The following BRPF3 variants were observed in gnomAD, a reference collection of about 807,000 sequenced individuals.
BRPF3 encodes the protein bromodomain and PHD finger-containing protein 3.
BRPF3 carries 18 observed loss-of-function variants against 102.0 expected under a neutral mutation model. That is an observed-to-expected ratio of 0.18 (90% CI 0.12 to 0.26). BRPF3 has a LOEUF of 0.26. BRPF3 is among the 10% of genes least tolerant of loss of function. The pLI is 1.00. For missense variants in BRPF3, 1,147 were observed against 1,567.8 expected (o/e 0.73, Z 4.53); for synonymous variants, 570 against 614.2 (o/e 0.93, Z 1.06).
In BRPF3 at chr6:36,201,115, C is replaced by T. The variant is rs377711628; in HGVS notation, c.793C>T (p.Arg265Trp). The T allele has an allele frequency of 3.4e-5, 55 of 1,614,034 alleles. No individual in the cohort carries two copies. Among genetic ancestry groups the T allele is most frequent in the Middle Eastern group, 1.6e-4 (1 of 6,084 alleles). The change falls in exon 2 of 13, where the codon CGG (arginine) becomes TGG (tryptophan). Residue 265 changes from arginine to tryptophan, a missense_variant. By Grantham distance (101) the Arg-to-Trp change is moderately radical. Transcript: ENST00000357641. The surrounding 1 kb of genome is among the most constrained non-coding windows in gnomAD (Gnocchi z 5.1). ...LCRCCLQSPS[R>W]PVDCILCPNK... ...CCGCTGCTGCCTGCAGTCTCCCTCC[C>T]GGCCTGTGGATTGCATCCTTTGCCC...
Position 36,214,250 on chromosome 6 carries a change from C to A in BRPF3, c.2853C>A (p.Gly951=). The change falls in exon 8 of 13, where the codon GGC becomes GGA. Residue 951 remains glycine, a synonymous_variant. Coordinates refer to ENST00000357641, the MANE Select transcript of BRPF3 (RefSeq NM_015695.3). The part of the protein sequence containing the change: ...QRSPDRVLEN[G]EDHGVAGSPA... ...GCCCAGACAGGGTCCTGGAGAATGG[C>A]GAGGACCATGGTGTGGCAGGCTCTC... The A allele has an allele frequency of 6.2e-7, 1 of 1,614,150 alleles. No homozygotes were observed. Among genetic ancestry groups the A allele is most frequent in the African/African-American group, 1.3e-5 (1 of 75,042 alleles).
rs774069589 is a variant in BRPF3, at chr6:36,201,394, C to T, written c.1072C>T (p.Leu358Phe). 2 of 1,614,168 alleles carry T rather than the reference C, an allele frequency of 1.2e-6. No individual in the cohort carries two copies. The highest frequency in any genetic ancestry group is 2.2e-5 in the South Asian group (2 of 91,080). The change falls in exon 2 of 13, where the codon CTC becomes TTC. Residue 358 changes from leucine to phenylalanine, a missense_variant. Leu to Phe is a conservative substitution (Grantham distance 22). Around this residue, in one of 11 missense-constraint regions of BRPF3, gnomAD observed 44 missense variants for 101.4 expected, o/e 0.43. Coordinates refer to ENST00000357641, the MANE Select transcript of BRPF3 (RefSeq NM_015695.3). This position sits in a 1 kb window ranked among gnomAD's most constrained non-coding sequence, Gnocchi z 5.1. ...TGTGACATGTGCACAGCGGGCTGGG[C>T]TCTTCATGAAGATTGAGCCCATGCG... ...FHVTCAQRAG[L>F]FMKIEPMRET...
chr6:36,224,405 C>T (rs969558411), intron 10 of BRPF3, among the ~76,000 whole-genome samples: 8 of 152,106 alleles, frequency 5.3e-5, no homozygotes, highest in Middle Eastern at 3.2e-3. Flanking sequence ...TGTGTTAGTG[C>T]GTTGAGTGCA....
chr6:36,216,793 C>G (rs989376991), intron 8 of BRPF3, among the ~76,000 whole-genome samples: 1 of 152,166 alleles, frequency 6.6e-6, no homozygotes, highest in African/African-American at 2.4e-5. Context: ...AATCCCAGCA[C>G]TTTGGGAGGC....
Position 36,210,576 on chromosome 6 carries a change from AG to A in BRPF3, c.2179+50del, listed in dbSNP as rs775162290. ...GAGGAGAGGGGCCAGGAGGAGGCAC[AG>A]GAACAGAGTCTACAGAGTGAGGGAT... is the stretch of plus-strand genomic sequence containing the variant. On this transcript the variant is annotated intron_variant, in intron 6 of 12. Coordinates refer to ENST00000357641, the MANE Select transcript of BRPF3 (RefSeq NM_015695.3). This position sits in a 1 kb window ranked among gnomAD's most constrained non-coding sequence, Gnocchi z 4.7. 6.6e-7 allele frequency: 1 copy of A among 1,524,374 alleles called. No homozygotes were observed. Among genetic ancestry groups the A allele is most frequent in the Middle Eastern group, 1.8e-4 (1 of 5,428 alleles). The allele number at this position is 1,524,374 out of a possible 1,614,324, so 94.4% of individuals were successfully genotyped here. A position where few individuals can be genotyped will look rare whatever the true frequency, so the allele number is the denominator to read the frequency against.
At position 36,200,654 on chromosome 6, in the gene BRPF3, C is replaced by T; in HGVS notation, c.332C>T (p.Ser111Phe). The T allele has an allele frequency of 6.2e-7, 1 of 1,614,200 alleles. No individual in the cohort carries two copies. Among genetic ancestry groups the T allele is most frequent in the Non-Finnish European group, 8.5e-7 (1 of 1,180,030 alleles). The change falls in exon 2 of 13, where the codon TCC becomes TTC. Residue 111 changes from serine to phenylalanine, a missense_variant. Coordinates refer to ENST00000357641, the MANE Select transcript of BRPF3 (RefSeq NM_015695.3). The surrounding 1 kb of genome is among the most constrained non-coding windows in gnomAD (Gnocchi z 5.3). ...TGCTCCAAGCATGCATCTGGTACTT[C>T]CTTCCACCTCCCACAGCCCAGCTTC... is the stretch of plus-strand genomic sequence containing the variant. The part of the protein sequence containing the change: ...ESCSKHASGT[S>F]FHLPQPSFRM...
At chr6:36,215,588 G>A (rs1240651768) in intron 8 of BRPF3, among the ~76,000 whole-genome samples, 1 of 152,220 alleles carries the variant, frequency 6.6e-6, no homozygotes, top group Non-Finnish European at 1.5e-5. Flanking sequence ...TCAGGTGAGA[G>A]GTAGCATTGC....
intron 9 of BRPF3, among the ~76,000 whole-genome samples, chr6:36,220,803 A>T (rs6457894): frequency 0.91 from 137,800 of 152,256 alleles, 62,509 homozygotes; most frequent in East Asian, 0.97. Flanking sequence ...ACCTAACTAC[A>T]GGTTACTGAA....
Position 36,200,928 on chromosome 6 carries a change from T to C in BRPF3, c.606T>C (p.Ser202=). The C allele has an allele frequency of 6.2e-7, 1 of 1,614,156 alleles. No individual in the cohort carries two copies. The highest frequency in any genetic ancestry group is 8.5e-7 in the Non-Finnish European group (1 of 1,180,028). Residue 202 remains serine (S), a synonymous_variant, in exon 2 of 13, where the codon AGT becomes AGC. Transcript: ENST00000357641. The surrounding 1 kb of genome is among the most constrained non-coding windows in gnomAD (Gnocchi z 5.3). ...AGTCATACTTGGAGAGTCGCAGCAG[T>C]GGGGCCCAACAGTCACTCATCGATG... ...EKESYLESRS[S]GAQQSLIDED... is the part of the protein sequence containing the mutation.
At chr6:36,209,737 C>G in intron 4 of BRPF3, 50 bp from the exon 5 acceptor site, 1 of 1,567,314 alleles carries the variant, frequency 6.4e-7, no homozygotes, top group Non-Finnish European at 8.6e-7. Flanking sequence ...AGTTTCAGTA[C>G]ATCTTTGCAG....
In BRPF3 at chr6:36,208,917, C is replaced by T. The variant is rs190474870; in HGVS notation, c.1738-870C>T. ...GCTACTTGCCACTTGCGGGGGCAAG[C>T]CTGGAGGCCCTGGTGACCCCATGCT... On this transcript the variant is annotated intron_variant, in intron 4 of 12. Transcript: ENST00000357641. Among the ~76,000 whole-genome samples the T allele has an allele frequency of 1.9e-3, 291 of 152,324 alleles. 5 individuals carry two copies. The highest frequency in any genetic ancestry group is 9.4e-4 in the Non-Finnish European group (64 of 68,030).
At position 36,214,295 on chromosome 6, in the gene BRPF3, C is replaced by G. The variant is rs749895419; in HGVS notation, c.2898C>G (p.Ile966Met). 2.5e-6 allele frequency: 4 copies of G among 1,613,826 alleles called. No individual in the cohort carries two copies. Among genetic ancestry groups the G allele is most frequent in the Admixed American group, 1.7e-5 (1 of 60,004 alleles). The change falls in exon 8 of 13, where the codon ATC becomes ATG. Residue 966 changes from isoleucine (I) to methionine (M), a missense_variant. Coordinates refer to ENST00000357641, the MANE Select transcript of BRPF3 (RefSeq NM_015695.3). ...GCTCTCCTGCCTCTCCAGCCAGCAT[C>G]GAGGAAGAGCGCCACTCCCGGAAGC... Reference protein sequence around the residue: ...VAGSPASPASIEEERHSRKRP... With the variant: ...VAGSPASPASMEEERHSRKRP...
In BRPF3 at chr6:36,231,792, C is replaced by G; in HGVS notation, c.*1183C>G. ...CTCTTCAACCCCCTCCCCACCTTCACCTTCTCAAAAATGGAAGGAAAAAAA... is the reference window on the plus strand; with the variant it reads ...CTCTTCAACCCCCTCCCCACCTTCAGCTTCTCAAAAATGGAAGGAAAAAAA... On this transcript the variant is annotated 3_prime_UTR_variant, in exon 13 of 13. Coordinates refer to ENST00000357641, the MANE Select transcript of BRPF3 (RefSeq NM_015695.3). 6.6e-6 allele frequency: 1 copy of G among 152,592 alleles called. No individual in the cohort carries two copies. The highest frequency in any genetic ancestry group is 1.9e-4 in the East Asian group (1 of 5,192). The allele number at this position is 152,592 out of a possible 1,614,324, so 9.5% of individuals were successfully genotyped here. A position where few individuals can be genotyped will look rare whatever the true frequency, so the allele number is the denominator to read the frequency against.
Position 36,201,863 on chromosome 6 carries a change from C to A in BRPF3, c.1448+93C>A. 1 of 1,485,614 alleles carries A rather than the reference C, an allele frequency of 6.7e-7. No homozygotes were observed. The highest frequency in any genetic ancestry group is 9.0e-7 in the Non-Finnish European group (1 of 1,110,538). 92.0% of individuals were successfully genotyped at this position (1,485,614 alleles called of 1,614,324 possible). A position where few individuals can be genotyped will look rare whatever the true frequency, so the allele number is the denominator to read the frequency against. On this transcript the variant is annotated intron_variant, in intron 2 of 12. Transcript: ENST00000357641. The surrounding 1 kb of genome is among the most constrained non-coding windows in gnomAD (Gnocchi z 5.1). ...CAGGCCTTCGCTAAACACAGTTGGACACTATATCCTCCTCCCCGAATTTAA... is the reference window on the plus strand; with the variant it reads ...CAGGCCTTCGCTAAACACAGTTGGAAACTATATCCTCCTCCCCGAATTTAA...
At chr6:36,205,840 T>A (rs1767886931) in intron 3 of BRPF3, among the ~76,000 whole-genome samples, 1 of 152,212 alleles carries the variant, frequency 6.6e-6, no homozygotes, top group Admixed American at 6.5e-5. Context: ...TCCTCATCCC[T>A]TTTTTCTGCC....
rs1424276219 is a variant in BRPF3 at position 36,231,962 on chromosome 6, C to T, written c.*1353C>T. The T allele has an allele frequency of 6.6e-6, 1 of 152,578 alleles. No individual in the cohort carries two copies. Among genetic ancestry groups the T allele is most frequent in the Non-Finnish European group, 1.5e-5 (1 of 68,030 alleles). 9.5% of individuals were successfully genotyped at this position (152,578 alleles called of 1,614,324 possible). On this transcript the variant is annotated 3_prime_UTR_variant, in exon 13 of 13. Transcript: ENST00000357641. ...CGCTGATTGCCATGTTGATTTTTAA[C>T]CTGATATTCTTTTTAATTGTTTTAA...
intron 12 of BRPF3, 44 bp downstream of exon 12, chr6:36,229,100 G>A (rs368581633): frequency 8.1e-6 from 13 of 1,596,804 alleles, no homozygotes; most frequent in Non-Finnish European, 1.1e-5. Context: ...CACGCCAGGG[G>A]TCTGTGCCAG....
rs954393431 is a variant in BRPF3, at chr6:36,208,867, C to G, written c.1738-920C>G. Among the ~76,000 whole-genome samples the G allele has an allele frequency of 3.9e-5, 6 of 152,370 alleles. No homozygotes were observed. The East Asian group carries it at 9.6e-4, about 24-fold the overall frequency. The stretch of plus-strand genomic sequence containing the variant: ...GCATATGTAGAAAATAGCATTTGTA[C>G]AGCATACTACTGTAAGTATATGAAG... On this transcript the variant is annotated intron_variant, in intron 4 of 12. Transcript: ENST00000357641.
intron 2 of BRPF3, among the ~76,000 whole-genome samples, chr6:36,203,080 T>C (rs1407270493): frequency 1.3e-5 from 2 of 152,230 alleles, no homozygotes; most frequent in Admixed American, 1.3e-4. Context: ...GGGTGGATGC[T>C]TAGTTCCCAT....
Sources: gnomAD v4.1 joint callset for allele counts (sites outside exome capture counted in the v4.1 genomes callset) on GRCh38, gnomAD v4.1.1 for gene constraint, gnomAD v4.1.1 regional missense constraint, Gnocchi (gnomAD v3.1) non-coding constraint, MANE v1.5 for transcripts, NCBI Gene and HGNC (gene_info 2026-07-23, HGNC 2026-07-21) for gene names.